The following VTI1A variants were observed in gnomAD, a reference collection of about 807,000 sequenced individuals.
VTI1A encodes vesicle transport through interaction with t-SNAREs 1A, also known as vesicle transport through interaction with t-SNAREs homolog 1A.
VTI1A carries 22 observed loss-of-function variants against 34.9 expected under a neutral mutation model. The observed-to-expected ratio is 0.63, with a 90% CI of 0.45 to 0.90. VTI1A has a LOEUF of 0.90. VTI1A is among the 40% of genes least tolerant of loss of function. The pLI is 0.00. For synonymous variants in VTI1A, 87 were observed against 97.3 expected (o/e 0.89, Z 0.62); for missense variants, 268 against 275.6 (o/e 0.97, Z 0.20).
At chr10:112,753,097 T>G (rs567795099) in intron 7 of VTI1A, among the ~76,000 whole-genome samples, 119 of 152,242 alleles carry the variant, frequency 7.8e-4, no homozygotes, top group African/African-American at 2.3e-3. Context: ...GGATCAGAGT[T>G]TATAAAATAG....
At position 112,642,608 on chromosome 10, in the gene VTI1A, AGTGT is replaced by A. The variant is rs75201126; in HGVS notation, c.428-25593_428-25590del. Among the ~76,000 whole-genome samples, 231 of 150,270 alleles carry A rather than the reference AGTGT, an allele frequency of 1.5e-3. 9 individuals carry two copies. In the East Asian group the frequency reaches 0.039, roughly 25 times the overall value. On this transcript the variant is annotated intron_variant, in intron 5 of 7. Coordinates refer to ENST00000393077, the MANE Select transcript of VTI1A (RefSeq NM_145206.4). ...CGTATACACTCATAGTATACAGGGTAGTGTGTGTGTGTGTGTGTGTATGTGCATG... is the reference window on the plus strand; with the variant it reads ...CGTATACACTCATAGTATACAGGGTAGTGTGTGTGTGTGTGTATGTGCATG...
At chr10:112,755,543 C>T (rs1261544305) in intron 7 of VTI1A, among the ~76,000 whole-genome samples, 1 of 152,130 alleles carries the variant, frequency 6.6e-6, no homozygotes, top group Non-Finnish European at 1.5e-5. Context: ...CGGAGCAGCG[C>T]CCATAAACAG....
chr10:112,503,321 A>G (rs1345503316), intron 3 of VTI1A, among the ~76,000 whole-genome samples: 1 of 152,090 alleles, frequency 6.6e-6, no homozygotes, highest in East Asian at 1.9e-4. Flanking sequence ...TCTTCATGAG[A>G]TCCGCCTTTT....
intron 7 of VTI1A, among the ~76,000 whole-genome samples, chr10:112,705,996 C>T (rs1461354385): frequency 1.3e-5 from 2 of 152,174 alleles, no homozygotes; most frequent in African/African-American, 4.8e-5. Context: ...CTACAGTTTA[C>T]ATTCATCAAT....
At chr10:112,524,708 A>G (rs968656029) in intron 3 of VTI1A, among the ~76,000 whole-genome samples, 1 of 152,174 alleles carries the variant, frequency 6.6e-6, no homozygotes. Context: ...ATGTAATTGA[A>G]CAATCTATGC....
intron 5 of VTI1A, among the ~76,000 whole-genome samples, chr10:112,665,054 G>T (rs1333663382): frequency 1.3e-5 from 2 of 152,194 alleles, no homozygotes; most frequent in Non-Finnish European, 1.5e-5. Context: ...GGAAGTTAAA[G>T]AACTGAAAAT....
At chr10:112,502,638 T>A (rs1849283389) in intron 3 of VTI1A, among the ~76,000 whole-genome samples, 1 of 152,218 alleles carries the variant, frequency 6.6e-6, no homozygotes, top group Non-Finnish European at 1.5e-5. Flanking sequence ...TGGTTTTATT[T>A]GCATCTCTCT....
At chr10:112,487,675 G>A (rs980270415) in intron 3 of VTI1A, among the ~76,000 whole-genome samples, 3 of 152,048 alleles carry the variant, frequency 2.0e-5, no homozygotes, top group Admixed American at 2.0e-4. Flanking sequence ...CTCTCCTCCT[G>A]CTTGTAACCT....
chr10:112,833,000 CAAATT>C, the VTI1A span, among the ~76,000 whole-genome samples: 1 of 152,112 alleles, frequency 6.6e-6, no homozygotes, highest in African/African-American at 2.4e-5. Context: ...CCATGAAAAA[CAAATT>C]AATCGATAGC....
intron 5 of VTI1A, among the ~76,000 whole-genome samples, chr10:112,630,018 G>A (rs1846070008): frequency 6.6e-6 from 1 of 152,166 alleles, no homozygotes; most frequent in African/African-American, 2.4e-5. Flanking sequence ...ACTCTAGTAT[G>A]TTAAAGAAAC....
intron 7 of VTI1A, among the ~76,000 whole-genome samples, chr10:112,777,256 G>A (rs1017692951): frequency 6.6e-6 from 1 of 152,172 alleles, no homozygotes; most frequent in Non-Finnish European, 1.5e-5. Context: ...CCCAGGTGTG[G>A]CTGGTGCTGA....
intron 7 of VTI1A, among the ~76,000 whole-genome samples, chr10:112,702,684 C>T (rs1849052324): frequency 6.6e-6 from 1 of 152,188 alleles, no homozygotes; most frequent in Non-Finnish European, 1.5e-5. Context: ...CCTATGGGTT[C>T]AAGCAATTCT....
chr10:112,714,285 G>T (rs1849529533), intron 7 of VTI1A, among the ~76,000 whole-genome samples: 1 of 152,072 alleles, frequency 6.6e-6, no homozygotes, highest in Non-Finnish European at 1.5e-5. Flanking sequence ...ATGCTCCGTT[G>T]GATCTCAGAT....
chr10:112,595,400 G>C (rs1473153891), intron 5 of VTI1A, among the ~76,000 whole-genome samples: 4 of 150,790 alleles, frequency 2.7e-5, no homozygotes, highest in Non-Finnish European at 5.9e-5. Flanking sequence ...GAAAATTTTC[G>C]CAACCTACTC....
chr10:112,537,922 T>C (rs1487177786), intron 4 of VTI1A, among the ~76,000 whole-genome samples: 3 of 152,214 alleles, frequency 2.0e-5, no homozygotes, highest in African/African-American at 7.2e-5. Flanking sequence ...AAGTATCTCA[T>C]ATATCCATCT....
chr10:112,546,243 A>C lies in VTI1A; in HGVS notation c.427+7913A>C, dbSNP rs371156229. Among the ~76,000 whole-genome samples, 24 of 151,990 alleles carry C rather than the reference A, an allele frequency of 1.6e-4. 1 individual carries two copies. In the East Asian group the frequency reaches 4.5e-3, roughly 28 times the overall value. ...CACACACACATATATATATACAAAA[A>C]TTTGGCCAGGTAGCTAGCTATAGTT... is the stretch of plus-strand genomic sequence containing the variant. On this transcript the variant is annotated intron_variant, in intron 5 of 7. Transcript: ENST00000393077.
At chr10:112,637,053 T>A (rs1353722740) in intron 5 of VTI1A, among the ~76,000 whole-genome samples, 1 of 152,226 alleles carries the variant, frequency 6.6e-6, no homozygotes, top group Non-Finnish European at 1.5e-5. Context: ...ACAGATATAT[T>A]TAACTTAAAT....
intron 7 of VTI1A, among the ~76,000 whole-genome samples, chr10:112,729,096 A>G (rs986393011): frequency 6.6e-6 from 1 of 152,174 alleles, no homozygotes; most frequent in Non-Finnish European, 1.5e-5. Flanking sequence ...TTGACTAAAA[A>G]GGTTCCAAAC....
chr10:112,817,838 A>T lies in VTI1A; in HGVS notation c.*2455A>T. 1 of 232,916 alleles carries T rather than the reference A, an allele frequency of 4.3e-6. No individual in the cohort carries two copies. The highest frequency in any genetic ancestry group is 8.5e-6 in the Non-Finnish European group (1 of 117,582). The allele number at this position is 232,916 out of a possible 1,614,324, so 14.4% of individuals were successfully genotyped here. ...AAGTTGGGAGCCCTTGTTAAAAATG[A>T]TGTTTAAGGGAGTGGTTGGGGGGAA... On this transcript the variant is annotated 3_prime_UTR_variant, in exon 8 of 8. Transcript: ENST00000393077.
Sources: gnomAD v4.1 joint callset for allele counts (sites outside exome capture counted in the v4.1 genomes callset) on GRCh38, gnomAD v4.1.1 for gene constraint, MANE v1.5 for transcripts, NCBI Gene and HGNC (gene_info 2026-07-23, HGNC 2026-07-21) for gene names.